DIAPH2: variants seen among roughly 807,000 people sequenced by gnomAD.
DIAPH2 encodes diaphanous related formin 2, also known as protein diaphanous homolog 2.
In DIAPH2, 35 loss-of-function variants were observed where a neutral mutation model predicts 92.7. The ratio of observed to expected loss-of-function variants is 0.38; its 90% CI spans 0.29 to 0.50. The LOEUF is 0.50. Among genes scored for constraint, DIAPH2 ranks in the 20% least tolerant of loss-of-function variants. The pLI is 0.94. For missense variants in DIAPH2, 701 were observed against 819.5 expected, an observed-to-expected ratio of 0.86 and a Z score of 1.77; for synonymous variants, 301 against 280.4, an observed-to-expected ratio of 1.07 and a Z score of -0.73.
Position 97,291,216 on chromosome X carries a change from G to A in DIAPH2, c.2844+43377G>A, listed in dbSNP as rs369289836. On this transcript the variant is annotated intron_variant, in intron 23 of 26. Transcript: ENST00000324765. ...AGCCTGGCCAACATGGTGAAACCCC[G>A]TCTCTACTAAAAAATACAAAAAAAT... is the stretch of plus-strand genomic sequence containing the variant. 6.3e-5 allele frequency among the ~76,000 whole-genome samples: 7 copies of A among 110,657 alleles called. No individual in the cohort carries two copies. The East Asian group carries it at 8.7e-4, about 14-fold the overall frequency.
At chrX:96,779,010 G>A (rs1248805125) in intron 4 of DIAPH2, among the ~76,000 whole-genome samples, 3 of 112,223 alleles carry the variant, frequency 2.7e-5, no homozygotes, top group Non-Finnish European at 3.8e-5. Flanking sequence ...TTGAGATCAT[G>A]TAAATAACCT....
chrX:97,027,151 A>C (rs779647376), intron 17 of DIAPH2, among the ~76,000 whole-genome samples: 1 of 112,396 alleles, frequency 8.9e-6, no homozygotes, highest in South Asian at 3.7e-4. Context: ...ATACCATTGA[A>C]GTATAGAGAT....
At chrX:97,279,278 AG>A (rs2068476296) in intron 23 of DIAPH2, among the ~76,000 whole-genome samples, 1 of 109,723 alleles carries the variant, frequency 9.1e-6, no homozygotes, top group African/African-American at 3.3e-5. Flanking sequence ...AAAGAAACAT[AG>A]ATTGAAAGTC....
intron 4 of DIAPH2, among the ~76,000 whole-genome samples, chrX:96,844,280 A>G (rs1213470847): frequency 3.5e-5 from 4 of 112,705 alleles, no homozygotes; most frequent in African/African-American, 6.4e-5. Context: ...CACATTCATA[A>G]TTCTTCACTA....
chrX:97,129,136 CT>C (rs55684853), intron 21 of DIAPH2, among the ~76,000 whole-genome samples: 2,104 of 87,587 alleles, frequency 0.024, 42 homozygotes, highest in Non-Finnish European at 0.033. Context: ...CTTTTCTTTT[CT>C]TTTCTTTTCT....
At position 97,558,007 on chromosome X, in the gene DIAPH2, A is replaced by C. The variant is rs1222939449; in HGVS notation, c.3242-41246A>C. On this transcript the variant is annotated intron_variant, in intron 26 of 26. Transcript: ENST00000324765. ...AGTTTGCTAAACCAAGGTAAATGTC[A>C]ATGCTAGTTCCTAGACAACTATCAT... 2.7e-5 allele frequency among the ~76,000 whole-genome samples: 3 copies of C among 112,553 alleles called. No individual in the cohort carries two copies. In the Admixed American group the frequency reaches 2.8e-4, roughly 11 times the overall value.
intron 26 of DIAPH2, among the ~76,000 whole-genome samples, chrX:97,596,633 A>G (rs1340112357): frequency 1.8e-5 from 2 of 111,758 alleles, no homozygotes; most frequent in African/African-American, 6.5e-5. Flanking sequence ...AATCATGGCC[A>G]CTATCACCCA....
At chrX:96,918,667 C>T (rs2065521195) in intron 9 of DIAPH2, 50 bp downstream of exon 9, 1 of 894,793 alleles carries the variant, frequency 1.1e-6, no homozygotes, top group South Asian at 2.3e-5. Context: ...TTAGAGTACT[C>T]ATTTTGTATG....
At chrX:97,333,101 C>T (rs887695785) in intron 23 of DIAPH2, among the ~76,000 whole-genome samples, 1 of 111,600 alleles carries the variant, frequency 9.0e-6, no homozygotes, top group Non-Finnish European at 1.9e-5. Context: ...GGGAGTATAT[C>T]AAGGCCAAGC....
chrX:96,930,720 T>G lies in DIAPH2; in HGVS notation c.979-13T>G. 1 of 1,188,212 alleles carries G rather than the reference T, an allele frequency of 8.4e-7. No individual in the cohort carries two copies. The highest frequency in any genetic ancestry group is 1.1e-6 in the Non-Finnish European group (1 of 882,935). On this transcript the variant is annotated splice_polypyrimidine_tract_variant and intron_variant, in intron 9 of 26. Coordinates refer to ENST00000324765, the MANE Select transcript of DIAPH2 (RefSeq NM_006729.5). Reference sequence around the variant, plus strand: ...TGTGTTTTTTTAAAACAAAATTTGCTTTCTAATTGCAGGTGGCCTGCATGC... The same window carrying G: ...TGTGTTTTTTTAAAACAAAATTTGCGTTCTAATTGCAGGTGGCCTGCATGC...
Position 97,073,270 on chromosome X carries a change from G to T in DIAPH2, c.2152+228G>T, listed in dbSNP as rs1182794605. The stretch of plus-strand genomic sequence containing the variant: ...CCAGATGAAACTTGGGAATAGTAAA[G>T]ATTTGGAAAGTAATGATAATAAAAC... On this transcript the variant is annotated intron_variant, in intron 18 of 26. Coordinates refer to ENST00000324765, the MANE Select transcript of DIAPH2 (RefSeq NM_006729.5). 2.7e-5 allele frequency among the ~76,000 whole-genome samples: 3 copies of T among 111,793 alleles called. 1 individual carries two copies. Among genetic ancestry groups the T allele is most frequent in the South Asian group, 3.7e-4 (1 of 2,674 alleles).
chrX:97,305,617 C>T (rs780881150), intron 23 of DIAPH2, among the ~76,000 whole-genome samples: 2 of 108,643 alleles, frequency 1.8e-5, no homozygotes, highest in East Asian at 2.9e-4. Context: ...GTCAGGAGTT[C>T]GAGACCAACC....
intron 26 of DIAPH2, among the ~76,000 whole-genome samples, chrX:97,459,440 A>G (rs2070439330): frequency 8.9e-6 from 1 of 112,146 alleles, no homozygotes; most frequent in South Asian, 3.7e-4. Context: ...GTGTTTTGAG[A>G]ACTATATGAG....
chrX:97,102,092 G>A (rs1357097788), intron 20 of DIAPH2, among the ~76,000 whole-genome samples: 1 of 112,172 alleles, frequency 8.9e-6, no homozygotes, highest in Non-Finnish European at 1.9e-5. Flanking sequence ...ACAGAATGAA[G>A]CTCCTTCGCA....
Position 96,689,620 on chromosome X carries a change from G to A in DIAPH2, c.132+4430G>A, listed in dbSNP as rs963343538. ...TGAACATCCCCACCAAATCTGAAAT[G>A]GCCACCCCTTTCTCTTTTATAACTT... is the stretch of plus-strand genomic sequence containing the variant. On this transcript the variant is annotated intron_variant, in intron 1 of 26. Transcript: ENST00000324765. Among the ~76,000 whole-genome samples, 5 of 109,883 alleles carry A rather than the reference G, an allele frequency of 4.6e-5. No homozygotes were observed. The South Asian group carries it at 1.6e-3, about 35-fold the overall frequency.
chrX:97,177,930 C>T (rs1174904050), intron 22 of DIAPH2, among the ~76,000 whole-genome samples: 1 of 111,292 alleles, frequency 9.0e-6, no homozygotes, highest in Admixed American at 9.6e-5. Flanking sequence ...AGATATGGGC[C>T]AGGCACGGTG....
At chrX:96,805,467 C>A (rs2064617381) in intron 4 of DIAPH2, among the ~76,000 whole-genome samples, 1 of 110,323 alleles carries the variant, frequency 9.1e-6, no homozygotes, top group Non-Finnish European at 1.9e-5. Flanking sequence ...TCACTTTACT[C>A]CTGAAAGGAT....
At chrX:96,848,309 G>A (rs1429904924) in intron 4 of DIAPH2, among the ~76,000 whole-genome samples, 1 of 112,050 alleles carries the variant, frequency 8.9e-6, no homozygotes, top group East Asian at 2.8e-4. Context: ...CCAAAGTGCT[G>A]GGATTACAGG....
chrX:96,860,862 A>G (rs1172117718), intron 4 of DIAPH2, among the ~76,000 whole-genome samples: 2 of 111,910 alleles, frequency 1.8e-5, no homozygotes, highest in Non-Finnish European at 3.8e-5. Context: ...CAATGTAATT[A>G]TATAATCGTA....
Sources: allele counts gnomAD v4.1 joint callset (sites outside exome capture counted in the v4.1 genomes callset), GRCh38; gene constraint gnomAD v4.1.1; transcripts MANE v1.5; gene names NCBI Gene and HGNC (gene_info 2026-07-23, HGNC 2026-07-21).